Variants in NALF1 observed in about 807,000 individuals in gnomAD.
NALF1 encodes NALCN channel auxiliary factor 1.
Under a neutral mutation model 48.4 loss-of-function variants are expected in NALF1, and 3 were observed. The observed-to-expected ratio is 0.06, with a 90% CI of 0.03 to 0.16. The LOEUF is 0.16. Among genes scored for constraint, NALF1 ranks in the 10% least tolerant of loss-of-function variants. The pLI, the probability that NALF1 is intolerant of heterozygous loss-of-function variation, is 1.00. For synonymous variants in NALF1, 262 were observed against 245.7 expected, an observed-to-expected ratio of 1.07 and a Z score of -0.62; for missense variants, 526 against 571.5, an observed-to-expected ratio of 0.92 and a Z score of 0.81.
intron 1 of NALF1, among the ~76,000 whole-genome samples, chr13:107,431,454 C>G (rs1034897985): frequency 6.6e-6 from 1 of 152,164 alleles, no homozygotes; most frequent in East Asian, 1.9e-4. Flanking sequence ...ATTTGTTCTC[C>G]TTGCCTAATG....
chr13:107,537,643 T>A (rs921536809), intron 1 of NALF1, among the ~76,000 whole-genome samples: 3 of 151,942 alleles, frequency 2.0e-5, no homozygotes, highest in African/African-American at 7.2e-5. Flanking sequence ...ACCCTGAGGA[T>A]GTGGTCAGCT....
intron 1 of NALF1, among the ~76,000 whole-genome samples, chr13:107,241,485 C>T (rs1326017820): frequency 6.6e-6 from 1 of 152,194 alleles, no homozygotes; most frequent in East Asian, 1.9e-4. Flanking sequence ...TTCCCTTCAG[C>T]TCCTGGCTCA....
intron 1 of NALF1, among the ~76,000 whole-genome samples, chr13:107,428,367 A>G (rs574094863): frequency 6.6e-6 from 1 of 152,326 alleles, no homozygotes; most frequent in African/African-American, 2.4e-5. Flanking sequence ...TAGACCCAGC[A>G]TTTGGGAGCT....
At chr13:107,815,672 A>C (rs1879142585) in intron 1 of NALF1, among the ~76,000 whole-genome samples, 1 of 152,190 alleles carries the variant, frequency 6.6e-6, no homozygotes, top group Admixed American at 6.5e-5. Context: ...ATGTTCACAC[A>C]AAAACCTGTT....
intron 1 of NALF1, among the ~76,000 whole-genome samples, chr13:107,598,784 A>G (rs556518138): frequency 6.6e-6 from 1 of 152,224 alleles, no homozygotes; most frequent in African/African-American, 2.4e-5. Flanking sequence ...AGAAGTCTTA[A>G]AAGGCCACCT....
intron 1 of NALF1, among the ~76,000 whole-genome samples, chr13:107,460,258 T>A (rs934835956): frequency 1.3e-5 from 2 of 152,196 alleles, no homozygotes; most frequent in Admixed American, 1.3e-4. Flanking sequence ...ACCTCCACAT[T>A]TGTCCCCAAG....
In NALF1 at chr13:107,482,130, C is replaced by T. The variant is rs192312497; in HGVS notation, c.916-271375G>A. ...GTAAAGCAGATCACCCTCCATAATA[C>T]GAATGGGCCTCATCCAATCAGATAA... On this transcript the variant is annotated intron_variant, in intron 1 of 2. Coordinates refer to ENST00000375915, the MANE Select transcript of NALF1 (RefSeq NM_001080396.3). 2.3e-3 allele frequency among the ~76,000 whole-genome samples: 353 copies of T among 152,082 alleles called. 3 individuals carry two copies. The highest frequency in any genetic ancestry group is 8.1e-3 in the African/African-American group (338 of 41,474).
intron 1 of NALF1, among the ~76,000 whole-genome samples, chr13:107,671,031 G>T (rs1464022227): frequency 6.6e-6 from 1 of 152,048 alleles, no homozygotes; most frequent in East Asian, 1.9e-4. Context: ...TCTCTCAGAT[G>T]TGCAACTTCC....
chr13:107,838,795 G>A (rs1879971897), intron 1 of NALF1, among the ~76,000 whole-genome samples: 1 of 152,152 alleles, frequency 6.6e-6, no homozygotes. Flanking sequence ...TGGGAGGATG[G>A]CGCAGAGCTC....
chr13:107,674,942 G>T (rs543016565), intron 1 of NALF1, among the ~76,000 whole-genome samples: 4 of 152,216 alleles, frequency 2.6e-5, no homozygotes, highest in Non-Finnish European at 5.9e-5. Context: ...GATGTGGACT[G>T]TTCTTAGTCT....
intron 2 of NALF1, among the ~76,000 whole-genome samples, chr13:107,208,532 C>T (rs961406221): frequency 6.6e-6 from 1 of 152,176 alleles, no homozygotes; most frequent in African/African-American, 2.4e-5. Flanking sequence ...AAGATAAACG[C>T]AAACACCTCG....
At chr13:107,534,686 ATCT>A (rs1876749117) in intron 1 of NALF1, among the ~76,000 whole-genome samples, 1 of 152,100 alleles carries the variant, frequency 6.6e-6, no homozygotes, top group South Asian at 2.1e-4. Flanking sequence ...TCTCTCAGGG[ATCT>A]GGGTTAAGCA....
At chr13:107,453,559 C>T (rs1043346976) in intron 1 of NALF1, among the ~76,000 whole-genome samples, 5 of 152,232 alleles carry the variant, frequency 3.3e-5, no homozygotes, top group African/African-American at 9.6e-5. Context: ...ATTTTTTCTT[C>T]CTAGGCCTCC....
chr13:107,612,954 C>A (rs893838383), intron 1 of NALF1, among the ~76,000 whole-genome samples: 1 of 149,564 alleles, frequency 6.7e-6, no homozygotes, highest in East Asian at 2.0e-4. Context: ...CCCTGAAGAA[C>A]AGAGAGGGCA....
intron 1 of NALF1, among the ~76,000 whole-genome samples, chr13:107,536,799 A>C (rs972928949): frequency 6.6e-6 from 1 of 152,186 alleles, no homozygotes. Flanking sequence ...CTGCAGCACT[A>C]TTCACAATAG....
chr13:107,449,530 T>C (rs115573068), intron 1 of NALF1, among the ~76,000 whole-genome samples: 1,760 of 152,334 alleles, frequency 0.012, 28 homozygotes, highest in African/African-American at 0.041. Context: ...AAATATAGCA[T>C]GCCTTTTAAA....
chr13:107,512,741 G>A (rs184066780), intron 1 of NALF1, among the ~76,000 whole-genome samples: 23 of 152,190 alleles, frequency 1.5e-4, no homozygotes, highest in Admixed American at 1.2e-3. Flanking sequence ...TGGTTCATCA[G>A]GTCATTGTCA....
chr13:107,695,102 T>C (rs1173530333), intron 1 of NALF1, among the ~76,000 whole-genome samples: 1 of 152,134 alleles, frequency 6.6e-6, no homozygotes, highest in African/African-American at 2.4e-5. Context: ...CTGATGTCAG[T>C]TCTGATTATA....
At chr13:107,197,176 G>T (rs760928656) in intron 2 of NALF1, among the ~76,000 whole-genome samples, 12 of 152,068 alleles carry the variant, frequency 7.9e-5, no homozygotes, top group African/African-American at 1.9e-4. Context: ...CTCACTAGAG[G>T]TGTCGCTAAA....
Sources: gnomAD v4.1 joint callset for allele counts (sites outside exome capture counted in the v4.1 genomes callset) on GRCh38, gnomAD v4.1.1 for gene constraint, MANE v1.5 for transcripts, NCBI Gene and HGNC (gene_info 2026-07-23, HGNC 2026-07-21) for gene names.